CFAP44: variants seen among roughly 807,000 people sequenced by gnomAD.
CFAP44 encodes the protein cilia- and flagella-associated protein 44.
Under a neutral mutation model 216.2 loss-of-function variants are expected in CFAP44, and 134 were observed. That is an observed-to-expected ratio of 0.62 (90% CI 0.54 to 0.72). The LOEUF (loss-of-function observed/expected upper bound fraction) is 0.72. Among genes scored for constraint, CFAP44 ranks in the 30% least tolerant of loss-of-function variants. CFAP44 has a pLI of 0.00. For synonymous variants in CFAP44, 700 were observed against 727.6 expected, an observed-to-expected ratio of 0.96 and a Z score of 0.61; for missense variants, 2,035 against 2,182.1, an observed-to-expected ratio of 0.93 and a Z score of 1.34.
rs117654664 is a variant in CFAP44, at chr3:113,373,136, A to C, written c.2444+275T>G. On this transcript the variant is annotated intron_variant, in intron 18 of 34. Coordinates refer to ENST00000393845, the MANE Select transcript of CFAP44 (RefSeq NM_001164496.2). ...TAACCCTGAACCTTCATTTCTGACT[A>C]TGTAAGTAGCATCCTCCTAGGTAGC... is the stretch of plus-strand genomic sequence containing the variant. Among the ~76,000 whole-genome samples the C allele has an allele frequency of 5.2e-3, 785 of 152,336 alleles. 8 individuals are homozygous for C. In the East Asian group the frequency reaches 0.052, roughly 10 times the overall value.
intron 34 of CFAP44, 66 bp from the exon 35 acceptor site, chr3:113,291,814 A>G: frequency 6.6e-7 from 1 of 1,504,174 alleles, no homozygotes; most frequent in Non-Finnish European, 8.9e-7. Flanking sequence ...ATGCCCTTAT[A>G]CTGTGTATCT....
chr3:113,315,337 A>T (rs1950076602), intron 28 of CFAP44, among the ~76,000 whole-genome samples: 5 of 152,160 alleles, frequency 3.3e-5, no homozygotes. Flanking sequence ...AAACAGAAAG[A>T]AACCTTACAT....
intron 32 of CFAP44, among the ~76,000 whole-genome samples, chr3:113,300,227 TG>T (rs1949921892): frequency 7.0e-6 from 1 of 142,068 alleles, no homozygotes; most frequent in Non-Finnish European, 1.5e-5. Context: ...ATAGTGGAGG[TG>T]GGGGATGTGG....
At chr3:113,438,152 A>G (rs1446795607) in intron 1 of CFAP44, among the ~76,000 whole-genome samples, 2 of 152,218 alleles carry the variant, frequency 1.3e-5, no homozygotes, top group Non-Finnish European at 2.9e-5. Flanking sequence ...AACACCTACT[A>G]GGCACTCAGA....
intron 18 of CFAP44, 103 bp from the exon 19 acceptor site, chr3:113,366,412 G>A: frequency 7.3e-7 from 1 of 1,371,444 alleles, no homozygotes; most frequent in Non-Finnish European, 9.9e-7. Flanking sequence ...AGTTGTTATG[G>A]ACTGAATTGT....
intron 24 of CFAP44, among the ~76,000 whole-genome samples, chr3:113,335,400 T>G (rs1950273605): frequency 6.6e-6 from 1 of 152,092 alleles, no homozygotes. Context: ...CCAAATTTGG[T>G]GCTAAGAATT....
At chr3:113,329,958 T>C (rs1425722736) in intron 26 of CFAP44, among the ~76,000 whole-genome samples, 1 of 152,074 alleles carries the variant, frequency 6.6e-6, no homozygotes, top group East Asian at 1.9e-4. Flanking sequence ...AAAAAAAAGT[T>C]TAAAAGCTCT....
At chr3:113,298,539 G>A (rs1949903725) in intron 32 of CFAP44, among the ~76,000 whole-genome samples, 1 of 152,178 alleles carries the variant, frequency 6.6e-6, no homozygotes, top group Admixed American at 6.5e-5. Context: ...GTACACTCAT[G>A]TTCATCACAG....
chr3:113,306,218 C>G lies in CFAP44; in HGVS notation c.4741G>C (p.Asp1581His), dbSNP rs1188023000. 7.2e-6 allele frequency: 11 copies of G among 1,536,418 alleles called. No individual in the cohort carries two copies. The highest frequency in any genetic ancestry group is 9.6e-6 in the Non-Finnish European group (11 of 1,146,570). ...CACCATACTTTTTTTGACAATGTAT[C>G]ATATTCCTTTTTGAGGTTATCAACA... ...KIVDNLKKEY[D>H]TLSKKVKIVA... is the part of the protein sequence containing the mutation. The change falls in exon 30 of 35, where the codon GAT becomes CAT. Residue 1581 changes from aspartate (D) to histidine (H), a missense_variant. By Grantham distance (81) the Asp-to-His change is moderately conservative. Around this residue, in one of 3 missense-constraint regions of CFAP44, gnomAD observed 1,883 missense variants for 2,023.7 expected, o/e 0.93. Coordinates refer to ENST00000393845, the MANE Select transcript of CFAP44 (RefSeq NM_001164496.2).
rs184278099 is a variant in CFAP44, at chr3:113,350,175, A to G, written c.3066-5463T>C. Among the ~76,000 whole-genome samples the G allele has an allele frequency of 8.8e-3, 1,281 of 145,396 alleles. 24 individuals are homozygous for G. The highest frequency in any genetic ancestry group is 0.029 in the African/African-American group (1,212 of 41,136). On this transcript the variant is annotated intron_variant, in intron 22 of 34. Transcript: ENST00000393845. ...AGGCAGAGAAAGACCAGCAGAGAGG[A>G]AAGAGAGAGAGAGAGAGGAAGAGAC...
In CFAP44 at chr3:113,347,853, C is replaced by T. The variant is rs117960120; in HGVS notation, c.3066-3141G>A. On this transcript the variant is annotated intron_variant, in intron 22 of 34. Coordinates refer to ENST00000393845, the MANE Select transcript of CFAP44 (RefSeq NM_001164496.2). The stretch of plus-strand genomic sequence containing the variant: ...ATAGGACAGGGGTAAAGTCCCGATA[C>T]TAACAGGAGAATGCCTAGGACTCTA... 9.2e-5 allele frequency among the ~76,000 whole-genome samples: 14 copies of T among 152,252 alleles called. No homozygotes were observed. The East Asian group carries it at 2.7e-3, about 29-fold the overall frequency.
At chr3:113,333,362 C>G in intron 25 of CFAP44, 44 bp downstream of exon 25, 1 of 1,501,272 alleles carries the variant, frequency 6.7e-7, no homozygotes, top group Middle Eastern at 1.8e-4. Context: ...TAATTAAGAA[C>G]CCAGGGTGCC....
chr3:113,321,702 A>T (rs1950147686), intron 28 of CFAP44, among the ~76,000 whole-genome samples: 1 of 152,258 alleles, frequency 6.6e-6, no homozygotes, highest in South Asian at 2.1e-4. Flanking sequence ...AAAAATCAGT[A>T]GCATTTCTAT....
chr3:113,361,492 T>G (rs1210694794), intron 21 of CFAP44, among the ~76,000 whole-genome samples: 2 of 149,598 alleles, frequency 1.3e-5, no homozygotes, highest in Non-Finnish European at 3.0e-5. Flanking sequence ...AATAAAGACC[T>G]GTTTTGTTTT....
chr3:113,316,868 C>CA lies in CFAP44; in HGVS notation c.4517-8601dup, dbSNP rs71684264. On this transcript the variant is annotated intron_variant, in intron 28 of 34. Transcript: ENST00000393845. Reference sequence around the variant, plus strand: ...TGGGCAACAGAGCGAGACTCCATCTCAAAAAAAAAAAAAAAGCAACAGGAC... The same window carrying CA: ...TGGGCAACAGAGCGAGACTCCATCTCAAAAAAAAAAAAAAAAGCAACAGGAC... 4.7e-3 allele frequency among the ~76,000 whole-genome samples: 547 copies of CA among 116,274 alleles called. 2 individuals carry two copies. Among genetic ancestry groups the CA allele is most frequent in the Middle Eastern group, 0.037 (8 of 218 alleles). The allele number at this position is 116,274 out of a possible 152,430, so 76.3% of individuals were successfully genotyped here. A position where few individuals can be genotyped will look rare whatever the true frequency, so the allele number is the denominator to read the frequency against.
At chr3:113,316,037 T>C (rs534888969) in intron 28 of CFAP44, among the ~76,000 whole-genome samples, 1 of 152,346 alleles carries the variant, frequency 6.6e-6, no homozygotes, top group South Asian at 2.1e-4. Flanking sequence ...AGATAGATCA[T>C]ATGTTAGACC....
At chr3:113,346,992 C>T (rs910734709) in intron 22 of CFAP44, among the ~76,000 whole-genome samples, 4 of 152,216 alleles carry the variant, frequency 2.6e-5, no homozygotes, top group Admixed American at 6.5e-5. Flanking sequence ...CAAGAACCCA[C>T]TGGAAGGAAC....
chr3:113,361,433 AAAGT>A (rs1656438956), intron 21 of CFAP44: 1 of 152,402 alleles, frequency 6.6e-6, no homozygotes, highest in African/African-American at 2.4e-5. Flanking sequence ...GTATTGTGTT[AAAGT>A]AATTTTATAA....
chr3:113,393,240 T>C (rs1040258156), intron 15 of CFAP44, among the ~76,000 whole-genome samples: 3 of 152,224 alleles, frequency 2.0e-5, no homozygotes, highest in Non-Finnish European at 4.4e-5. Flanking sequence ...GCAAATGACA[T>C]TAGAAATACA....
Sources: gnomAD v4.1 joint callset for allele counts (sites outside exome capture counted in the v4.1 genomes callset) on GRCh38, gnomAD v4.1.1 for gene constraint, gnomAD v4.1.1 regional missense constraint, MANE v1.5 for transcripts, NCBI Gene and HGNC (gene_info 2026-07-23, HGNC 2026-07-21) for gene names.